PRIM2: variants seen among roughly 807,000 people sequenced by gnomAD.
The protein encoded by PRIM2 is DNA primase subunit 2, also known as DNA primase large subunit.
PRIM2 carries 39 observed loss-of-function variants against 67.3 expected under a neutral mutation model. The observed-to-expected ratio is 0.58, with a 90% CI of 0.45 to 0.76. The LOEUF (loss-of-function observed/expected upper bound fraction) is 0.76, where lower values mean the gene tolerates loss of function less well. Ranked by LOEUF, PRIM2 falls within the 30% of genes least tolerant of loss-of-function variation. The pLI is 0.00. For missense variants in PRIM2, 398 were observed against 598.7 expected (o/e 0.66, Z 3.50); for synonymous variants, 143 against 198.7 (o/e 0.72, Z 2.36).
chr6:57,438,752 A>T (rs1232258129), intron 7 of PRIM2, among the ~76,000 whole-genome samples: 1 of 151,960 alleles, frequency 6.6e-6, no homozygotes, highest in Non-Finnish European at 1.5e-5. Flanking sequence ...TGAATTGTGC[A>T]TGTAGTTTTC....
chr6:57,502,067 G>A (rs1774143184), intron 7 of PRIM2, among the ~76,000 whole-genome samples: 3 of 152,118 alleles, frequency 2.0e-5, no homozygotes, highest in Non-Finnish European at 2.9e-5. Flanking sequence ...TAGATTAGAA[G>A]GAAGGAACTA....
intron 5 of PRIM2, among the ~76,000 whole-genome samples, chr6:57,358,206 A>G (rs1174428023): frequency 2.6e-5 from 4 of 152,226 alleles, no homozygotes; most frequent in Non-Finnish European, 5.9e-5. Context: ...AAATGGGTAG[A>G]TCAAGCAATA....
At chr6:57,408,335 G>A (rs1437003620) in intron 7 of PRIM2, among the ~76,000 whole-genome samples, 1 of 152,180 alleles carries the variant, frequency 6.6e-6, no homozygotes, top group Non-Finnish European at 1.5e-5. Context: ...GAGACCCCCA[G>A]TGTGGTGGAA....
In PRIM2 at chr6:57,567,164, GA is replaced by G. The variant is rs1202276267; in HGVS notation, c.1020+29548del. ...GTAATTTTGATCAGCATGGGGATTA[GA>G]AAAAAAAATATTGTAATAATCATAA... On this transcript the variant is annotated intron_variant, in intron 10 of 13. Transcript: ENST00000615550. Among the ~76,000 whole-genome samples the G allele has an allele frequency of 9.9e-5, 15 of 151,370 alleles. 1 individual carries two copies. The highest frequency in any genetic ancestry group is 1.9e-4 in the African/African-American group (8 of 41,282).
At position 57,510,985 on chromosome 6, in the gene PRIM2, A is replaced by G. The variant is rs1554347669; in HGVS notation, c.761+3531A>G. ...GGAGGTTGATACCGAGATCATTATT[A>G]GGTCTAATTTTGTTTATTGCCTCTA... On this transcript the variant is annotated intron_variant, in intron 8 of 13. Transcript: ENST00000615550. Among the ~76,000 whole-genome samples the G allele has an allele frequency of 7.7e-3, 1,166 of 152,226 alleles. 14 individuals are homozygous for G. Among genetic ancestry groups the G allele is most frequent in the African/African-American group, 0.027 (1,110 of 41,532 alleles).
chr6:57,293,429 A>G, the PRIM2 span, among the ~76,000 whole-genome samples: 2 of 152,286 alleles, frequency 1.3e-5, no homozygotes, highest in African/African-American at 2.4e-5. Context: ...ACAGTGTGGC[A>G]ATTCCTCAAG....
In PRIM2 at chr6:57,513,387, T is replaced by C. The variant is rs1295496845; in HGVS notation, c.761+5933T>C. 2.7e-5 allele frequency among the ~76,000 whole-genome samples: 4 copies of C among 147,640 alleles called. No homozygotes were observed. The Admixed American group carries it at 2.7e-4, about 10-fold the overall frequency. On this transcript the variant is annotated intron_variant, in intron 8 of 13. Coordinates refer to ENST00000615550, the MANE Select transcript of PRIM2 (RefSeq NM_000947.5). ...CATGATAAAGGTGTTTATTTTTATT[T>C]ATTATCTCACTTATAAATATGAAGT... is the stretch of plus-strand genomic sequence containing the variant.
intron 8 of PRIM2, among the ~76,000 whole-genome samples, chr6:57,529,265 G>A (rs1482754214): frequency 2.6e-5 from 4 of 150,954 alleles, no homozygotes; most frequent in Non-Finnish European, 4.4e-5. Context: ...AGCGGAGATC[G>A]CCCCACTGCA....
intron 10 of PRIM2, among the ~76,000 whole-genome samples, chr6:57,540,277 TCACA>T (rs1329010600): frequency 2.6e-4 from 39 of 150,732 alleles, no homozygotes; most frequent in South Asian, 4.2e-4. Context: ...ATACACACAC[TCACA>T]CACACACACA....
upstream of PRIM2, chr6:57,314,837 C>T (rs1199690367): frequency 4.6e-5 from 7 of 152,158 alleles, no homozygotes; most frequent in Admixed American, 2.0e-4. Context: ...AAATGTATAA[C>T]ATTATTGTGC....
chr6:57,588,974 C>G (rs1272749110), intron 10 of PRIM2, among the ~76,000 whole-genome samples: 1 of 152,104 alleles, frequency 6.6e-6, no homozygotes, highest in African/African-American at 2.4e-5. Context: ...TGTGACCAAT[C>G]AATTTTAATG....
upstream of PRIM2, among the ~76,000 whole-genome samples, chr6:57,315,895 A>G (rs3778513): frequency 0.83 from 125,993 of 152,132 alleles, 52,347 homozygotes; most frequent in East Asian, 0.99. Context: ...ATGGTCTGTG[A>G]TGCAGGTTTT....
At position 57,457,432 on chromosome 6, in the gene PRIM2, C is replaced by T. The variant is rs1480178502; in HGVS notation, c.694-49955C>T. ...AGGCCTCCTTGAGCTGTGGAGGGCT[C>T]CACCCAGATGGAGCTTCCTGACCCC... On this transcript the variant is annotated intron_variant, in intron 7 of 13. Coordinates refer to ENST00000615550, the MANE Select transcript of PRIM2 (RefSeq NM_000947.5). Among the ~76,000 whole-genome samples, 4 of 152,296 alleles carry T rather than the reference C, an allele frequency of 2.6e-5. No individual in the cohort carries two copies. In the East Asian group the frequency reaches 5.8e-4, roughly 22 times the overall value.
chr6:57,274,470 ATTGGGAAAGCACAGTAT>A, the PRIM2 span, among the ~76,000 whole-genome samples: 1 of 152,162 alleles, frequency 6.6e-6, no homozygotes, highest in Non-Finnish European at 1.5e-5. Flanking sequence ...TTTTAAACCC[ATTGGGAAAGCACAGTAT>A]TTGGGTGGGA....
intron 5 of PRIM2, among the ~76,000 whole-genome samples, chr6:57,357,396 A>G (rs1769065062): frequency 2.6e-5 from 4 of 152,140 alleles, no homozygotes; most frequent in African/African-American, 9.7e-5. Context: ...CCCTAGCCTC[A>G]TCTCTTACCA....
intron 7 of PRIM2, among the ~76,000 whole-genome samples, chr6:57,456,418 T>A (rs1231651044): frequency 6.6e-6 from 1 of 152,174 alleles, no homozygotes; most frequent in Non-Finnish European, 1.5e-5. Flanking sequence ...CACTTTCAGG[T>A]ACACCAATCA....
At chr6:57,268,140 C>T in the PRIM2 span, among the ~76,000 whole-genome samples, 3 of 152,138 alleles carry the variant, frequency 2.0e-5, no homozygotes, top group Non-Finnish European at 2.9e-5. Context: ...CTATGAGTTA[C>T]GTAGTTGTTA....
intron 7 of PRIM2, among the ~76,000 whole-genome samples, chr6:57,480,430 G>C (rs1394726790): frequency 6.5e-4 from 99 of 152,154 alleles, no homozygotes; most frequent in African/African-American, 2.4e-3. Flanking sequence ...GGAAATTAAT[G>C]TTAGTACACA....
chr6:57,502,148 C>T (rs1774145506), intron 7 of PRIM2, among the ~76,000 whole-genome samples: 1 of 152,100 alleles, frequency 6.6e-6, no homozygotes, highest in South Asian at 2.1e-4. Flanking sequence ...TTTTAAGCCC[C>T]CCAGCCAAGG....
Sources: gnomAD v4.1 joint callset for allele counts (sites outside exome capture counted in the v4.1 genomes callset) on GRCh38, gnomAD v4.1.1 for gene constraint, MANE v1.5 for transcripts, NCBI Gene and HGNC (gene_info 2026-07-23, HGNC 2026-07-21) for gene names.